R3HDM2: variants seen among roughly 807,000 people sequenced by gnomAD.
R3HDM2 encodes the protein R3H domain-containing protein 2.
In R3HDM2, 38 loss-of-function variants were observed where a neutral mutation model predicts 124.5. The ratio of observed to expected loss-of-function variants is 0.31; its 90% CI spans 0.24 to 0.40. The LOEUF (loss-of-function observed/expected upper bound fraction) is 0.40. R3HDM2 is among the 10% of genes least tolerant of loss of function. R3HDM2 has a pLI of 1.00. For synonymous variants in R3HDM2, 391 were observed against 448.0 expected (o/e 0.87, Z 1.61); for missense variants, 869 against 1,236.9 (o/e 0.70, Z 4.46).
At chr12:57,301,514 A>T (rs1359287829) in intron 4 of R3HDM2, among the ~76,000 whole-genome samples, 1 of 152,230 alleles carries the variant, frequency 6.6e-6, no homozygotes, top group Non-Finnish European at 1.5e-5. Flanking sequence ...TTGTTAAGCC[A>T]CTCAATCCCT....
At position 57,423,991 on chromosome 12, in the gene R3HDM2, G is replaced by A. The variant is rs180865736; in HGVS notation, c.-106+6729C>T. Reference sequence around the variant, plus strand: ...TAGCCAGGTGTGGTGGCACATGCCTGTAATCCCAGCTACTTGGGAGGCTGA... The same window carrying A: ...TAGCCAGGTGTGGTGGCACATGCCTATAATCCCAGCTACTTGGGAGGCTGA... On this transcript the variant is annotated intron_variant, in intron 1 of 23. Transcript: ENST00000402412. Among the ~76,000 whole-genome samples, 1,485 of 149,928 alleles carry A rather than the reference G, an allele frequency of 9.9e-3. 19 individuals are homozygous for A. Among genetic ancestry groups the A allele is most frequent in the African/African-American group, 0.035 (1,445 of 40,788 alleles).
intron 2 of R3HDM2, among the ~76,000 whole-genome samples, chr12:57,356,490 C>G (rs895711946): frequency 6.6e-6 from 1 of 152,174 alleles, no homozygotes; most frequent in Non-Finnish European, 1.5e-5. Flanking sequence ...CTTTAATTTA[C>G]TAAAACTTTG....
chr12:57,312,285 T>G (rs1398480411), intron 2 of R3HDM2, among the ~76,000 whole-genome samples: 2 of 151,420 alleles, frequency 1.3e-5, no homozygotes, highest in Non-Finnish European at 2.9e-5. Flanking sequence ...TTAGATGGTC[T>G]GCCAGGCTAC....
intron 2 of R3HDM2, among the ~76,000 whole-genome samples, chr12:57,382,440 T>C (rs1050882123): frequency 6.7e-6 from 1 of 149,130 alleles, no homozygotes; most frequent in East Asian, 2.0e-4. Context: ...ATAGACAGGG[T>C]TTCACCATGT....
chr12:57,269,695 G>A, intron 15 of R3HDM2, 57 bp downstream of exon 15: 2 of 1,608,438 alleles, frequency 1.2e-6, no homozygotes, highest in Non-Finnish European at 1.7e-6. Context: ...AATAAAGAAA[G>A]TATAATACTA....
intron 1 of R3HDM2, among the ~76,000 whole-genome samples, chr12:57,398,794 T>C (rs1225816377): frequency 6.6e-6 from 1 of 152,154 alleles, no homozygotes; most frequent in African/African-American, 2.4e-5. Flanking sequence ...CAGCCCTCTC[T>C]TCCTTTCTCA....
At chr12:57,288,966 C>T (rs2048016265) in intron 12 of R3HDM2, 43 bp downstream of exon 12, 2 of 1,546,492 alleles carry the variant, frequency 1.3e-6, no homozygotes, top group Admixed American at 2.0e-5. Context: ...ACCTCACTGG[C>T]AAAGCTCAAT....
In R3HDM2 at chr12:57,266,914, C is replaced by T. The variant is rs1157065948; in HGVS notation, c.2031-83G>A. The T allele has an allele frequency of 3.9e-6, 4 of 1,037,866 alleles. No individual in the cohort carries two copies. The African/African-American group carries it at 6.5e-5, about 17-fold the overall frequency. The allele number at this position is 1,037,866 out of a possible 1,614,324, so 64.3% of individuals were successfully genotyped here. On this transcript the variant is annotated intron_variant, in intron 18 of 23. Transcript: ENST00000402412. ...GGCAAACAGCTGCTGCTTCCTGGTC[C>T]TCCCCTATGGGAAGGAGAGGCAACT...
chr12:57,295,623 G>C, intron 9 of R3HDM2, 116 bp from the exon 10 acceptor site: 1 of 696,144 alleles, frequency 1.4e-6, no homozygotes, highest in Non-Finnish European at 2.4e-6. Flanking sequence ...GGAATTTCTG[G>C]AGTAAGGAAT....
Position 57,393,420 on chromosome 12 carries a change from C to T in R3HDM2, c.-36+2329G>A, listed in dbSNP as rs77566461. Reference sequence around the variant, plus strand: ...ACCCAGCCTATAGTACACTTGAACTCGTAGTGCCTGTGAATAGCCACTATA... The same window carrying T: ...ACCCAGCCTATAGTACACTTGAACTTGTAGTGCCTGTGAATAGCCACTATA... On this transcript the variant is annotated intron_variant, in intron 2 of 23. Transcript: ENST00000402412. 2.0e-3 allele frequency among the ~76,000 whole-genome samples: 312 copies of T among 152,216 alleles called. 1 individual carries two copies. The highest frequency in any genetic ancestry group is 7.2e-3 in the African/African-American group (301 of 41,554).
intron 2 of R3HDM2, among the ~76,000 whole-genome samples, chr12:57,384,211 G>A (rs576082949): frequency 7.2e-5 from 11 of 152,072 alleles, no homozygotes; most frequent in East Asian, 1.9e-4. Flanking sequence ...AAAATTAGCC[G>A]GGCACGGTGG....
chr12:57,401,849 G>C (rs2068080204), intron 1 of R3HDM2, among the ~76,000 whole-genome samples: 1 of 151,740 alleles, frequency 6.6e-6, no homozygotes, highest in Non-Finnish European at 1.5e-5. Flanking sequence ...GCTGGGTGTG[G>C]TGGCAGGCAC....
Position 57,254,853 on chromosome 12 carries a change from TG to T in R3HDM2, c.2892del (p.Asn964LysfsTer4). Reference protein sequence around the residue: ...LAAQNASLRLNNSVSRFKLRM... With the variant: ...LAAQNASLRLXNSVSRFKLRM... Reference sequence around the variant, plus strand: ...CGAAGTTTGAAGCGACTCACGGAGTTGTTGAGACGAAGGGAGGCATTTTGGG... The same window carrying T: ...CGAAGTTTGAAGCGACTCACGGAGTTTTGAGACGAAGGGAGGCATTTTGGG... On this transcript the variant is annotated frameshift_variant, in exon 24 of 24. Coordinates refer to ENST00000402412, the MANE Select transcript of R3HDM2 (RefSeq NM_001394031.1). LOFTEE classifies it high-confidence loss of function. 3 of 1,613,586 alleles carry T rather than the reference TG, an allele frequency of 1.9e-6. No individual in the cohort carries two copies. The highest frequency in any genetic ancestry group is 2.5e-6 in the Non-Finnish European group (3 of 1,179,622).
At chr12:57,260,029 C>T (rs1247905022) in intron 19 of R3HDM2, among the ~76,000 whole-genome samples, 1 of 151,664 alleles carries the variant, frequency 6.6e-6, no homozygotes, top group Non-Finnish European at 1.5e-5. Flanking sequence ...TTTGGGAAGC[C>T]GAGGCAGGTG....
At chr12:57,262,008 T>C (rs2040987968) in intron 19 of R3HDM2, among the ~76,000 whole-genome samples, 2 of 152,154 alleles carry the variant, frequency 1.3e-5, no homozygotes, top group Admixed American at 6.5e-5. Context: ...GACATTTATG[T>C]CTGGCAGAAT....
chr12:57,371,186 C>T (rs2063337590), intron 2 of R3HDM2, among the ~76,000 whole-genome samples: 1 of 138,296 alleles, frequency 7.2e-6, no homozygotes, highest in South Asian at 2.3e-4. Context: ...TCTTCAGTGC[C>T]TAAATGATTA....
intron 2 of R3HDM2, among the ~76,000 whole-genome samples, chr12:57,363,693 A>G (rs1322522119): frequency 6.6e-6 from 1 of 152,164 alleles, no homozygotes; most frequent in Non-Finnish European, 1.5e-5. Context: ...ATAAATATAT[A>G]CAATTATTAT....
At chr12:57,378,468 C>T (rs2138218603) in intron 2 of R3HDM2, among the ~76,000 whole-genome samples, 1 of 152,162 alleles carries the variant, frequency 6.6e-6, no homozygotes, top group Non-Finnish European at 1.5e-5. Context: ...CAGCCTTAAC[C>T]CCAGGCTCAA....
intron 2 of R3HDM2, among the ~76,000 whole-genome samples, chr12:57,316,582 CTTTTTT>C (rs761496804): frequency 1.0e-5 from 1 of 100,116 alleles, no homozygotes; most frequent in Middle Eastern, 4.3e-3. Flanking sequence ...TGCATCCATC[CTTTTTT>C]TTTTTTTTTT....
Sources: gnomAD v4.1 joint callset for allele counts (sites outside exome capture counted in the v4.1 genomes callset) on GRCh38, gnomAD v4.1.1 for gene constraint, MANE v1.5 for transcripts, NCBI Gene and HGNC (gene_info 2026-07-23, HGNC 2026-07-21) for gene names.